Variants in ITPR2 observed in about 807,000 individuals in gnomAD.
ITPR2 encodes inositol 1,4,5-trisphosphate receptor type 2, also known as inositol 1,4,5-trisphosphate-gated calcium channel ITPR2.
Under a neutral mutation model 317.1 loss-of-function variants are expected in ITPR2, and 207 were observed. That is an observed-to-expected ratio of 0.65 (90% CI 0.58 to 0.73). The LOEUF is 0.73. ITPR2 is among the 30% of genes least tolerant of loss of function. ITPR2 has a pLI of 0.00. For synonymous variants in ITPR2, 1,156 were observed against 1,149.1 expected, an observed-to-expected ratio of 1.01 and a Z score of -0.12; for missense variants, 2,613 against 3,284.0, an observed-to-expected ratio of 0.80 and a Z score of 4.99.
intron 26 of ITPR2, among the ~76,000 whole-genome samples, chr12:26,606,083 A>G (rs1190468065): frequency 6.6e-6 from 1 of 152,160 alleles, no homozygotes; most frequent in Non-Finnish European, 1.5e-5. Context: ...GCCCTACATC[A>G]CTGGCCTAAT....
intron 55 of ITPR2, among the ~76,000 whole-genome samples, chr12:26,386,746 T>G (rs1332834315): frequency 6.6e-6 from 1 of 152,102 alleles, no homozygotes; most frequent in Non-Finnish European, 1.5e-5. Context: ...GTAACGATAC[T>G]CACTAAATGT....
intron 55 of ITPR2, among the ~76,000 whole-genome samples, chr12:26,375,189 G>T (rs1187489106): frequency 2.0e-5 from 3 of 152,180 alleles, no homozygotes; most frequent in Non-Finnish European, 4.4e-5. Flanking sequence ...AGCCAACTGA[G>T]AATTGAACAA....
rs1482736233 is a variant in ITPR2, at chr12:26,534,100, C to A, written c.5073+16147G>T. ...CCATTCTCCTAACCCCGTGGAGACA[C>A]CAGCCATCACGTCAGTGGCCTTCCA... On this transcript the variant is annotated intron_variant, in intron 37 of 56. Transcript: ENST00000381340. 2.6e-5 allele frequency among the ~76,000 whole-genome samples: 4 copies of A among 152,226 alleles called. No homozygotes were observed. In the East Asian group the frequency reaches 7.7e-4, roughly 29 times the overall value.
intron 55 of ITPR2, among the ~76,000 whole-genome samples, chr12:26,349,380 C>T (rs1938409528): frequency 6.6e-6 from 1 of 152,178 alleles, no homozygotes; most frequent in African/African-American, 2.4e-5. Flanking sequence ...TCCTTGTGAA[C>T]TGTTAGATTC....
chr12:26,655,504 C>T (rs1278146415), intron 20 of ITPR2, among the ~76,000 whole-genome samples: 1 of 151,556 alleles, frequency 6.6e-6, no homozygotes, highest in Admixed American at 6.6e-5. Context: ...GTCCCAGCTA[C>T]TCGGGAGGCT....
chr12:26,453,524 C>T (rs1343556502), intron 45 of ITPR2, among the ~76,000 whole-genome samples: 1 of 152,100 alleles, frequency 6.6e-6, no homozygotes, highest in African/African-American at 2.4e-5. Context: ...TTCTGGGAAA[C>T]CCTGAAATGA....
intron 45 of ITPR2, among the ~76,000 whole-genome samples, chr12:26,464,250 C>T (rs1173373602): frequency 1.3e-5 from 2 of 152,144 alleles, no homozygotes; most frequent in Non-Finnish European, 2.9e-5. Flanking sequence ...TACGTACTCA[C>T]CATAATATAG....
At chr12:26,645,819 G>C (rs565345190) in intron 21 of ITPR2, among the ~76,000 whole-genome samples, 1 of 152,262 alleles carries the variant, frequency 6.6e-6, no homozygotes, top group African/African-American at 2.4e-5. Context: ...TCTGTAATAG[G>C]ACACTAGCTT....
chr12:26,808,508 A>G (rs1319415820), intron 1 of ITPR2, among the ~76,000 whole-genome samples: 1 of 152,174 alleles, frequency 6.6e-6, no homozygotes. Flanking sequence ...GGCACTGGGG[A>G]TAAAGCAGTG....
At position 26,622,375 on chromosome 12, in the gene ITPR2, A is replaced by G; in HGVS notation, c.3153T>C (p.Asp1051=). Residue 1051 remains aspartate, a synonymous_variant, in exon 25 of 57, where the codon GAT becomes GAC. Transcript: ENST00000381340. ...CCCGTAAAAACGTCCTGCCTCCTTCATCGTCAAGTTGAACTGGATTTTTTT... is the reference window on the plus strand; with the variant it reads ...CCCGTAAAAACGTCCTGCCTCCTTCGTCGTCAAGTTGAACTGGATTTTTTT... ...RKEKNPVQLD[D]EGGRTFLRVL... The G allele has an allele frequency of 6.2e-7, 1 of 1,607,138 alleles. No homozygotes were observed. The highest frequency in any genetic ancestry group is 8.5e-7 in the Non-Finnish European group (1 of 1,178,074).
intron 2 of ITPR2, among the ~76,000 whole-genome samples, chr12:26,736,578 A>G (rs1203123804): frequency 6.6e-6 from 1 of 152,188 alleles, no homozygotes; most frequent in Non-Finnish European, 1.5e-5. Flanking sequence ...AGAATGCCCT[A>G]TAGCCCTGTG....
intron 21 of ITPR2, among the ~76,000 whole-genome samples, chr12:26,653,695 T>C (rs980368400): frequency 6.6e-6 from 1 of 152,230 alleles, no homozygotes; most frequent in Non-Finnish European, 1.5e-5. Context: ...GATGTTTTCA[T>C]TTTTTAACAC....
At chr12:26,341,120 A>G (rs951582242) in intron 55 of ITPR2, among the ~76,000 whole-genome samples, 1 of 152,152 alleles carries the variant, frequency 6.6e-6, no homozygotes, top group Non-Finnish European at 1.5e-5. Context: ...ATCCTCCCCA[A>G]AGCTCTGCAA....
rs1468928375 is a variant in ITPR2, at chr12:26,337,375, A to T, written c.*2022T>A. ...AAACAGAGATAGGTTCCTATATTGG[A>T]ATATGTTCAATATTTACTACCTTTC... is the stretch of plus-strand genomic sequence containing the variant. On this transcript the variant is annotated 3_prime_UTR_variant, in exon 57 of 57. Coordinates refer to ENST00000381340, the MANE Select transcript of ITPR2 (RefSeq NM_002223.4). 1.3e-5 allele frequency: 2 copies of T among 152,186 alleles called. No homozygotes were observed. The highest frequency in any genetic ancestry group is 4.8e-5 in the African/African-American group (2 of 41,452). The allele number at this position is 152,186 out of a possible 1,614,324, so 9.4% of individuals were successfully genotyped here.
intron 55 of ITPR2, among the ~76,000 whole-genome samples, chr12:26,343,068 C>A (rs942692059): frequency 1.3e-5 from 2 of 152,116 alleles, no homozygotes; most frequent in Non-Finnish European, 2.9e-5. Context: ...GCACAAAAGC[C>A]CTCACCAGAA....
chr12:26,526,864 A>T (rs1443578890), intron 37 of ITPR2, among the ~76,000 whole-genome samples: 2 of 152,192 alleles, frequency 1.3e-5, no homozygotes, highest in Non-Finnish European at 2.9e-5. Flanking sequence ...ATCAAGAATG[A>T]CACCTAAAAT....
chr12:26,572,809 T>C (rs958901425), intron 34 of ITPR2, among the ~76,000 whole-genome samples: 1 of 152,084 alleles, frequency 6.6e-6, no homozygotes, highest in African/African-American at 2.4e-5. Flanking sequence ...AGAAACAGGG[T>C]TGACATGGTA....
chr12:26,525,891 C>T (rs910455069), intron 37 of ITPR2, among the ~76,000 whole-genome samples: 1 of 152,166 alleles, frequency 6.6e-6, no homozygotes, highest in Admixed American at 6.5e-5. Flanking sequence ...GTCTCACTTT[C>T]AGCCACTATA....
intron 5 of ITPR2, among the ~76,000 whole-genome samples, chr12:26,719,756 TCCCCA>T (rs1287641957): frequency 2.0e-5 from 3 of 152,104 alleles, no homozygotes; most frequent in Non-Finnish European, 4.4e-5. Context: ...CTCCCCGCTC[TCCCCA>T]CCCCACAACA....
Sources: gnomAD v4.1 joint callset for allele counts (sites outside exome capture counted in the v4.1 genomes callset) on GRCh38, gnomAD v4.1.1 for gene constraint, MANE v1.5 for transcripts, NCBI Gene and HGNC (gene_info 2026-07-23, HGNC 2026-07-21) for gene names.